Variants in ZNF610 observed in about 807,000 individuals in gnomAD.
ZNF610 encodes the protein zinc finger protein 610, also known as zink finger protein.
A neutral mutation model predicts 14.1 loss-of-function variants in ZNF610; 14 were observed. The ratio of observed to expected loss-of-function variants is 0.99; its 90% CI spans 0.65 to 1.55. ZNF610 has a LOEUF of 1.55. ZNF610 is among the 40% of genes most tolerant of loss of function. The pLI is 0.00. For synonymous variants in ZNF610, 185 were observed against 187.6 expected (o/e 0.99, Z 0.11); for missense variants, 530 against 558.0 (o/e 0.95, Z 0.51).
chr19:52,348,177 A>G (rs189063359), intron 2 of ZNF610: 2 of 152,300 alleles, frequency 1.3e-5, no homozygotes, highest in East Asian at 3.9e-4. Context: ...GTCTGTAATG[A>G]AATGGTCTGA....
intron 5 of ZNF610, among the ~76,000 whole-genome samples, chr19:52,357,644 C>CAAAAAA (rs71180445): frequency 1.7e-5 from 1 of 57,542 alleles, no homozygotes; most frequent in Non-Finnish European, 3.0e-5. Context: ...GCCTCCATCT[C>CAAAAAA]AAAAAAAAAA....
chr19:52,332,830 C>G (rs1984242484), upstream of ZNF610, among the ~76,000 whole-genome samples: 2 of 152,090 alleles, frequency 1.3e-5, no homozygotes, highest in African/African-American at 4.8e-5. This position sits in a 1 kb window ranked among gnomAD's most constrained non-coding sequence, Gnocchi z 4.1. Context: ...GCCCATGGTT[C>G]CTGGAGGAAG....
At chr19:52,349,369 C>G (rs548835927) in intron 3 of ZNF610, 134 bp downstream of exon 3, 3 of 1,355,886 alleles carry the variant, frequency 2.2e-6, no homozygotes, top group South Asian at 2.5e-5. Context: ...TTCTATCTCT[C>G]GTGACCCAGT....
chr19:52,350,732 G>A (rs1985211635), intron 3 of ZNF610, among the ~76,000 whole-genome samples: 1 of 152,094 alleles, frequency 6.6e-6, no homozygotes, highest in Non-Finnish European at 1.5e-5. Context: ...TGGACGCTGT[G>A]GCTCATGCCT....
chr19:52,332,560 G>A (rs1388149554), upstream of ZNF610, among the ~76,000 whole-genome samples: 1 of 152,110 alleles, frequency 6.6e-6, no homozygotes, highest in Non-Finnish European at 1.5e-5. The surrounding 1 kb of genome is among the most constrained non-coding windows in gnomAD (Gnocchi z 4.1). Context: ...GGAGAAGGAG[G>A]ATAAAAATTG....
intron 5 of ZNF610, among the ~76,000 whole-genome samples, chr19:52,359,308 TC>T (rs1301692466): frequency 6.6e-6 from 1 of 152,226 alleles, no homozygotes; most frequent in Non-Finnish European, 1.5e-5. Context: ...CTACTTTGTT[TC>T]AGCAATTTTT....
At chr19:52,355,018 A>G (rs1010528452) in intron 5 of ZNF610, among the ~76,000 whole-genome samples, 10 of 152,190 alleles carry the variant, frequency 6.6e-5, no homozygotes, top group Admixed American at 2.0e-4. Context: ...TAAATGTGTG[A>G]TAGTTTCATC....
chr19:52,338,673 C>CA (rs965162442), intron 1 of ZNF610, among the ~76,000 whole-genome samples: 11 of 149,222 alleles, frequency 7.4e-5, no homozygotes, highest in African/African-American at 1.7e-4. Context: ...GACTCTGTCT[C>CA]AAAAAAAAAG....
intron 1 of ZNF610, among the ~76,000 whole-genome samples, chr19:52,342,284 ATCTT>A (rs1984722305): frequency 6.6e-6 from 1 of 152,070 alleles, no homozygotes; most frequent in Admixed American, 6.6e-5. Flanking sequence ...CTACTCTTCT[ATCTT>A]TAAAACAAAA....
In ZNF610 at chr19:52,345,887, G is replaced by A. The variant is rs58980766; in HGVS notation, c.-257-1820G>A. ...GCCCAGCTAATTTTTTGTATTTTTAGTAGAGACGGGGTTTCACCATGTTAG... is the reference window on the plus strand; with the variant it reads ...GCCCAGCTAATTTTTTGTATTTTTAATAGAGACGGGGTTTCACCATGTTAG... On this transcript the variant is annotated intron_variant, in intron 1 of 5. Coordinates refer to ENST00000403906, the MANE Select transcript of ZNF610 (RefSeq NM_001161425.2). Among the ~76,000 whole-genome samples, 878 of 147,546 alleles carry A rather than the reference G, an allele frequency of 6.0e-3. 4 individuals are homozygous for A. Among genetic ancestry groups the A allele is most frequent in the African/African-American group, 0.022 (826 of 37,514 alleles).
chr19:52,343,457 A>G (rs1354488230), intron 1 of ZNF610, among the ~76,000 whole-genome samples: 3 of 146,952 alleles, frequency 2.0e-5, no homozygotes, highest in East Asian at 2.0e-4. Flanking sequence ...AATCCCAGCT[A>G]CTCCAGGAGG....
At chr19:52,350,823 A>G (rs1166026467) in intron 3 of ZNF610, among the ~76,000 whole-genome samples, 1 of 151,968 alleles carries the variant, frequency 6.6e-6, no homozygotes, top group Non-Finnish European at 1.5e-5. Flanking sequence ...CAACATGGAG[A>G]AACTCCATCT....
At chr19:52,339,459 G>A (rs1263767604) in intron 1 of ZNF610, among the ~76,000 whole-genome samples, 1 of 146,142 alleles carries the variant, frequency 6.8e-6, no homozygotes, top group Admixed American at 6.7e-5. Context: ...GTGTCCCTGG[G>A]TACTCGAGAC....
chr19:52,354,438 A>G, intron 5 of ZNF610, 59 bp downstream of exon 5: 1 of 1,566,578 alleles, frequency 6.4e-7, no homozygotes, highest in Admixed American at 1.9e-5. Context: ...TTTTTGAGCC[A>G]GGGTGTTCCG....
At position 52,367,061 on chromosome 19, in the gene ZNF610, T is replaced by C; in HGVS notation, c.*294T>C. On this transcript the variant is annotated 3_prime_UTR_variant, in exon 6 of 6. Coordinates refer to ENST00000403906, the MANE Select transcript of ZNF610 (RefSeq NM_001161425.2). ...AACTGCTGGCACCGTAATTTGTAACTCTTTGATTTAGAATGTACATACTTC... is the reference window on the plus strand; with the variant it reads ...AACTGCTGGCACCGTAATTTGTAACCCTTTGATTTAGAATGTACATACTTC... 1 of 358,712 alleles carries C rather than the reference T, an allele frequency of 2.8e-6. No homozygotes were observed. The highest frequency in any genetic ancestry group is 4.1e-5 in the Admixed American group (1 of 24,140). 22.2% of individuals were successfully genotyped at this position (358,712 alleles called of 1,614,324 possible).
upstream of ZNF610, among the ~76,000 whole-genome samples, chr19:52,333,349 T>G (rs1054680985): frequency 2.0e-5 from 3 of 152,192 alleles, no homozygotes; most frequent in Non-Finnish European, 4.4e-5. Context: ...CTGCCCAGGC[T>G]GGCAACATCC....
intron 1 of ZNF610, among the ~76,000 whole-genome samples, chr19:52,340,928 G>A (rs897820210): frequency 5.3e-5 from 8 of 151,986 alleles, no homozygotes; most frequent in African/African-American, 1.9e-4. Context: ...TGATCTGCCC[G>A]CCTTGGCCTC....
chr19:52,355,386 T>A lies in ZNF610; in HGVS notation c.319+1007T>A, dbSNP rs2560979. On this transcript the variant is annotated intron_variant, in intron 5 of 5. Coordinates refer to ENST00000403906, the MANE Select transcript of ZNF610 (RefSeq NM_001161425.2). ...AACTACAGGTGCCTCCAGCCCCCTC[T>A]GCCTGTTCAGGTCTATTTGGATGGG... 4.5e-3 allele frequency among the ~76,000 whole-genome samples: 686 copies of A among 152,098 alleles called. 9 individuals are homozygous for A. In the East Asian group the frequency reaches 0.067, roughly 15 times the overall value.
chr19:52,348,420 T>TTA (rs1166627712), intron 2 of ZNF610, among the ~76,000 whole-genome samples: 1 of 152,210 alleles, frequency 6.6e-6, no homozygotes, highest in Non-Finnish European at 1.5e-5. Flanking sequence ...TTTGTAATTA[T>TTA]TTCAGTCTGT....
Sources: gnomAD v4.1 joint callset for allele counts (sites outside exome capture counted in the v4.1 genomes callset) on GRCh38, gnomAD v4.1.1 for gene constraint, Gnocchi (gnomAD v3.1) non-coding constraint, MANE v1.5 for transcripts, NCBI Gene and HGNC (gene_info 2026-07-23, HGNC 2026-07-21) for gene names.